FAM228B: variants seen among roughly 807,000 people sequenced by gnomAD.
The protein encoded by FAM228B is family with sequence similarity 228 member B.
In FAM228B, 38 loss-of-function variants were observed where a neutral mutation model predicts 42.6. The ratio of observed to expected loss-of-function variants is 0.89; its 90% CI spans 0.69 to 1.17. FAM228B has a LOEUF of 1.17. Among genes scored for constraint, FAM228B ranks in the 50% most tolerant of loss-of-function variants. FAM228B has a pLI of 0.00. For missense variants in FAM228B, 344 were observed against 367.3 expected, an observed-to-expected ratio of 0.94 and a Z score of 0.52; for synonymous variants, 109 against 122.3, an observed-to-expected ratio of 0.89 and a Z score of 0.72.
chr2:24,138,205 G>A, intron 4 of FAM228B, 105 bp downstream of exon 4: 1 of 815,586 alleles, frequency 1.2e-6, no homozygotes, highest in Non-Finnish European at 1.9e-6. Context: ...CTCTACATAT[G>A]TATCATCTAT....
At chr2:24,101,409 T>A (rs1005768556) in intron 3 of FAM228B, among the ~76,000 whole-genome samples, 51 of 152,172 alleles carry the variant, frequency 3.4e-4, no homozygotes, top group Non-Finnish European at 6.3e-4. Flanking sequence ...GACATTAATT[T>A]AAAAAATTAT....
Position 24,086,296 on chromosome 2 carries a change from T to C in FAM228B, c.-210+5341T>C, listed in dbSNP as rs551449567. On this transcript the variant is annotated intron_variant, in intron 2 of 10. Coordinates refer to the FAM228B transcript ENST00000613899. ...AGAGGAATGGATGAAGAAGATTCAA[T>C]AGTTAACCAAATAAAAGAATACAGT... Among the ~76,000 whole-genome samples the C allele has an allele frequency of 1.3e-4, 20 of 148,258 alleles. No individual in the cohort carries two copies. The South Asian group carries it at 4.0e-3, about 30-fold the overall frequency.
At chr2:24,125,416 T>G (rs1019757316) in intron 2 of FAM228B, among the ~76,000 whole-genome samples, 3 of 152,162 alleles carry the variant, frequency 2.0e-5, no homozygotes, top group African/African-American at 7.2e-5. Flanking sequence ...AGTTTTGACA[T>G]GTATACACAC....
chr2:24,167,631 C>A lies in FAM228B; in HGVS notation c.937C>A (p.Pro313Thr), dbSNP rs1344975977. The A allele has an allele frequency of 1.3e-6, 2 of 1,551,514 alleles. No individual in the cohort carries two copies. The highest frequency in any genetic ancestry group is 4.9e-5 in the East Asian group (2 of 40,904). Residue 313 changes from proline (P) to threonine (T), a missense_variant, in exon 10 of 11, where the codon CCC (proline) becomes ACC (threonine). Pro to Thr is a conservative substitution (Grantham distance 38, BLOSUM62 -1). Coordinates refer to ENST00000615575, the MANE Select transcript of FAM228B (RefSeq NM_001145710.2). ...QEREEDQDGS[P>T]SPRLGLLKLE... is the part of the protein sequence containing the mutation. ...AAGCTTCAATCTTCATTTAAGGTCT[C>A]CCTCCCCGCGTTTGGGGCTGCTGAA... is the stretch of plus-strand genomic sequence containing the variant.
rs767745922 is a variant in FAM228B at position 24,080,807 on chromosome 2, G to A, written c.-289-69G>A. On this transcript the variant is annotated intron_variant, in intron 1 of 10. Coordinates refer to the FAM228B transcript ENST00000613899. The surrounding 1 kb of genome is among the most constrained non-coding windows in gnomAD (Gnocchi z 4.7). The stretch of plus-strand genomic sequence containing the variant: ...CTTAAATTCCTGCTGAACTGTAGAA[G>A]CAGTTGTTTACCTTTGGTGAATTTC... The A allele has an allele frequency of 1.9e-6, 3 of 1,613,816 alleles. No individual in the cohort carries two copies. The Admixed American group carries it at 5.0e-5, about 27-fold the overall frequency.
chr2:24,148,315 T>A (rs1423408326), intron 7 of FAM228B, among the ~76,000 whole-genome samples: 1 of 152,226 alleles, frequency 6.6e-6, no homozygotes, highest in Non-Finnish European at 1.5e-5. Context: ...CACTGTTGCA[T>A]GTTGCTTATT....
upstream of FAM228B, chr2:24,119,743 T>C (rs1190394435): frequency 7.9e-7 from 1 of 1,265,724 alleles, no homozygotes; most frequent in Non-Finnish European, 1.1e-6. Context: ...CCAGTGGTCA[T>C]GCTCCAGCTA....
chr2:24,107,381 A>G (rs917844523), intron 3 of FAM228B, among the ~76,000 whole-genome samples: 8 of 152,196 alleles, frequency 5.3e-5, no homozygotes, highest in Middle Eastern at 3.2e-3. Flanking sequence ...GAGGCAGAAA[A>G]TTAACAAAGC....
intron 3 of FAM228B, among the ~76,000 whole-genome samples, chr2:24,112,350 G>A (rs1665812391): frequency 7.0e-6 from 1 of 143,064 alleles, no homozygotes; most frequent in Non-Finnish European, 1.5e-5. Flanking sequence ...GCCCAGGGTA[G>A]AGTGCCGTGG....
At chr2:24,133,893 C>T (rs757129432) in intron 2 of FAM228B, among the ~76,000 whole-genome samples, 15 of 151,948 alleles carry the variant, frequency 9.9e-5, no homozygotes, top group South Asian at 2.1e-4. Context: ...GCCTAAGTGA[C>T]AGAGCAAGAC....
chr2:24,153,007 A>T (rs958267157), intron 7 of FAM228B, among the ~76,000 whole-genome samples: 5 of 152,006 alleles, frequency 3.3e-5, no homozygotes, highest in Admixed American at 1.3e-4. Flanking sequence ...CCAGGTCACC[A>T]CCGATGTTTA....
rs1057002385 is a variant in FAM228B, at chr2:24,080,029, C to G, written c.-289-847C>G. 6.6e-6 allele frequency among the ~76,000 whole-genome samples: 1 copy of G among 152,176 alleles called. No homozygotes were observed. Among genetic ancestry groups the G allele is most frequent in the Admixed American group, 6.5e-5 (1 of 15,282 alleles). On this transcript the variant is annotated intron_variant, in intron 1 of 10. Coordinates refer to the FAM228B transcript ENST00000613899. The surrounding 1 kb of genome is among the most constrained non-coding windows in gnomAD (Gnocchi z 4.7). Reference sequence around the variant, plus strand: ...CTAGGTTATTGGAATCATAGGCTTTCTAGCTTTGGTTTCATCTCTCCTTTT... The same window carrying G: ...CTAGGTTATTGGAATCATAGGCTTTGTAGCTTTGGTTTCATCTCTCCTTTT...
At chr2:24,109,029 G>A (rs576173087) in intron 3 of FAM228B, among the ~76,000 whole-genome samples, 1 of 151,800 alleles carries the variant, frequency 6.6e-6, no homozygotes. Context: ...TATACTACAG[G>A]GCTACAGTAA....
chr2:24,135,614 T>C (rs905932990), intron 3 of FAM228B, among the ~76,000 whole-genome samples: 1 of 152,032 alleles, frequency 6.6e-6, no homozygotes, highest in Non-Finnish European at 1.5e-5. Flanking sequence ...GACACTGGAG[T>C]GGGTAACCTG....
rs895779826 is a variant in FAM228B, at chr2:24,080,366, AG to A, written c.-289-509del. Among the ~76,000 whole-genome samples, 3 of 151,796 alleles carry A rather than the reference AG, an allele frequency of 2.0e-5. No homozygotes were observed. Among genetic ancestry groups the A allele is most frequent in the Admixed American group, 2.0e-4 (3 of 15,254 alleles). ...TGAGACTCCATCTCAAAAAAAAAAA[AG>A]AAAGAGAAACGGAAAGGGATGAGCC... On this transcript the variant is annotated intron_variant, in intron 1 of 10. Coordinates refer to the FAM228B transcript ENST00000613899. The surrounding 1 kb of genome is among the most constrained non-coding windows in gnomAD (Gnocchi z 4.7).
chr2:24,098,050 A>G (rs1007205236), intron 3 of FAM228B, among the ~76,000 whole-genome samples: 2 of 152,214 alleles, frequency 1.3e-5, no homozygotes, highest in African/African-American at 2.4e-5. Context: ...ACATAACGAA[A>G]TGAAGGCAGA....
chr2:24,150,539 C>G (rs1397816714), intron 7 of FAM228B, among the ~76,000 whole-genome samples: 2 of 152,062 alleles, frequency 1.3e-5, no homozygotes, highest in South Asian at 2.1e-4. Context: ...ATTCTTGTGC[C>G]TCAGCCTCCC....
At chr2:24,161,965 G>C (rs1214041716) in intron 8 of FAM228B, among the ~76,000 whole-genome samples, 1 of 152,222 alleles carries the variant, frequency 6.6e-6, no homozygotes, top group East Asian at 1.9e-4. Context: ...CAGGCGTGGT[G>C]GTGGGCAACT....
chr2:24,126,190 G>A (rs1182060212), intron 2 of FAM228B, among the ~76,000 whole-genome samples: 2 of 152,156 alleles, frequency 1.3e-5, no homozygotes, highest in Admixed American at 6.5e-5. Flanking sequence ...ATATTTAGTT[G>A]TGGAGTGACT....
Sources: gnomAD v4.1 joint callset for allele counts (sites outside exome capture counted in the v4.1 genomes callset) on GRCh38, gnomAD v4.1.1 for gene constraint, Gnocchi (gnomAD v3.1) non-coding constraint, MANE v1.5 for transcripts, NCBI Gene and HGNC (gene_info 2026-07-23, HGNC 2026-07-21) for gene names.